Variants in RANBP17 observed in about 807,000 individuals in gnomAD.
RANBP17 encodes ran-binding protein 17.
Under a neutral mutation model 141.2 loss-of-function variants are expected in RANBP17, and 158 were observed. That is an observed-to-expected ratio of 1.12 (90% CI 0.98 to 1.28). The LOEUF (loss-of-function observed/expected upper bound fraction) is 1.28. Among genes scored for constraint, RANBP17 ranks in the 50% most tolerant of loss-of-function variants. The pLI is 0.00. For missense variants in RANBP17, 1,438 were observed against 1,290.7 expected (o/e 1.11, Z -1.75); for synonymous variants, 430 against 450.0 (o/e 0.96, Z 0.56).
At chr5:171,133,916 A>G (rs1316177493) in intron 14 of RANBP17, among the ~76,000 whole-genome samples, 1 of 152,222 alleles carries the variant, frequency 6.6e-6, no homozygotes, top group Non-Finnish European at 1.5e-5. Context: ...GTATCTATAC[A>G]TGTACTGCCT....
chr5:170,939,093 G>A (rs927875392), intron 12 of RANBP17, among the ~76,000 whole-genome samples: 5 of 122,324 alleles, frequency 4.1e-5, no homozygotes, highest in Admixed American at 2.7e-4. Context: ...AGTAAAAATG[G>A]AAGCCAGAAG....
chr5:171,155,787 A>G (rs912927282), intron 14 of RANBP17, among the ~76,000 whole-genome samples: 17 of 152,328 alleles, frequency 1.1e-4, no homozygotes, highest in African/African-American at 3.4e-4. Context: ...ATTGTTCATC[A>G]TGCATAATTA....
chr5:171,023,844 G>A (rs1781049644), intron 14 of RANBP17, among the ~76,000 whole-genome samples: 2 of 152,118 alleles, frequency 1.3e-5, no homozygotes, highest in Admixed American at 1.3e-4. Flanking sequence ...AGTTTGGAAT[G>A]CTCACCTTAT....
rs182117001 is a variant in RANBP17, at chr5:170,936,115, T to G, written c.1468+11565T>G. On this transcript the variant is annotated intron_variant, in intron 12 of 27. Transcript: ENST00000523189. Reference sequence around the variant, plus strand: ...GAGCTAGGTGCAGGTCATAATCTCCTGGTGTGCCGTCTGCTAAGGCCATTG... The same window carrying G: ...GAGCTAGGTGCAGGTCATAATCTCCGGGTGTGCCGTCTGCTAAGGCCATTG... 5.9e-5 allele frequency among the ~76,000 whole-genome samples: 9 copies of G among 152,294 alleles called. No homozygotes were observed. The East Asian group carries it at 1.7e-3, about 29-fold the overall frequency.
At chr5:170,935,836 G>T (rs11951399) in intron 12 of RANBP17, among the ~76,000 whole-genome samples, 9,213 of 152,224 alleles carry the variant, frequency 0.061, 358 homozygotes, top group East Asian at 0.12. Flanking sequence ...AGACAGGGAC[G>T]TTTAAGTCTG....
chr5:170,960,204 T>G (rs1370537743), intron 13 of RANBP17, among the ~76,000 whole-genome samples: 6 of 152,210 alleles, frequency 3.9e-5, no homozygotes, highest in African/African-American at 1.4e-4. Context: ...GGGTTTTCTC[T>G]AATTTGTTGA....
At chr5:171,002,426 A>G (rs1779279803) in intron 14 of RANBP17, among the ~76,000 whole-genome samples, 1 of 152,102 alleles carries the variant, frequency 6.6e-6, no homozygotes, top group Non-Finnish European at 1.5e-5. Flanking sequence ...TGGCCCTTGC[A>G]GTGTATGACT....
intron 14 of RANBP17, among the ~76,000 whole-genome samples, chr5:171,080,672 C>T (rs1785211083): frequency 6.6e-6 from 1 of 152,112 alleles, no homozygotes; most frequent in Admixed American, 6.5e-5. Context: ...AGATGATGGA[C>T]GTTGGTGTTT....
intron 14 of RANBP17, among the ~76,000 whole-genome samples, chr5:171,162,032 C>T (rs1338782737): frequency 6.6e-6 from 1 of 152,196 alleles, no homozygotes; most frequent in Non-Finnish European, 1.5e-5. Flanking sequence ...TATAAATATT[C>T]CTTTAACTGT....
chr5:171,107,820 A>G (rs982116431), intron 14 of RANBP17, among the ~76,000 whole-genome samples: 4 of 152,238 alleles, frequency 2.6e-5, no homozygotes, highest in African/African-American at 9.6e-5. Context: ...TGTGAGAATG[A>G]CAGTTAAATT....
chr5:171,026,063 A>G (rs1781211816), intron 14 of RANBP17, among the ~76,000 whole-genome samples: 1 of 152,244 alleles, frequency 6.6e-6, no homozygotes, highest in African/African-American at 2.4e-5. Context: ...TATTTGTGAA[A>G]TGAAATAATA....
chr5:171,247,621 A>G (rs1765286657), intron 24 of RANBP17, among the ~76,000 whole-genome samples: 1 of 152,062 alleles, frequency 6.6e-6, no homozygotes, highest in Non-Finnish European at 1.5e-5. Flanking sequence ...TATCTTTTTA[A>G]TCATCCATCC....
chr5:171,037,747 C>T (rs1293849869), intron 14 of RANBP17, among the ~76,000 whole-genome samples: 1 of 152,182 alleles, frequency 6.6e-6, no homozygotes. Context: ...AGCTTTACTT[C>T]TGGCTCCTCT....
At chr5:170,999,694 C>T (rs1581357560) in intron 14 of RANBP17, among the ~76,000 whole-genome samples, 1 of 152,080 alleles carries the variant, frequency 6.6e-6, no homozygotes, top group Admixed American at 6.6e-5. Flanking sequence ...AACCTAATAC[C>T]TATTATTCTT....
intron 18 of RANBP17, among the ~76,000 whole-genome samples, chr5:171,189,065 T>G (rs902668557): frequency 7.3e-5 from 11 of 150,532 alleles, no homozygotes; most frequent in African/African-American, 2.7e-4. Context: ...TAGTTCAAAG[T>G]TTTTTTTTAA....
At chr5:170,986,176 A>G (rs747826951) in intron 14 of RANBP17, among the ~76,000 whole-genome samples, 1 of 152,086 alleles carries the variant, frequency 6.6e-6, no homozygotes, top group Non-Finnish European at 1.5e-5. Flanking sequence ...ATCTCCTTGC[A>G]TATAAACCAC....
chr5:171,241,847 A>G (rs544432786), intron 23 of RANBP17, among the ~76,000 whole-genome samples: 2 of 152,170 alleles, frequency 1.3e-5, no homozygotes, highest in Non-Finnish European at 2.9e-5. Context: ...AAAAATATAC[A>G]TTTCAGAGCC....
At chr5:171,002,398 G>A (rs1166646929) in intron 14 of RANBP17, among the ~76,000 whole-genome samples, 3 of 152,084 alleles carry the variant, frequency 2.0e-5, no homozygotes, top group Non-Finnish European at 4.4e-5. Context: ...CTGAGTGATG[G>A]GATCTGATGC....
intron 24 of RANBP17, among the ~76,000 whole-genome samples, chr5:171,258,118 TACACACACACACACACACACAC>T (rs34304503): frequency 1.6e-5 from 2 of 128,296 alleles, no homozygotes; most frequent in South Asian, 2.7e-4. Flanking sequence ...AAAAAAAAAA[TACACACACACACACACACACAC>T]ACACACACAC....
Sources: allele counts gnomAD v4.1 joint callset (sites outside exome capture counted in the v4.1 genomes callset), GRCh38; gene constraint gnomAD v4.1.1; transcripts MANE v1.5; gene names NCBI Gene and HGNC (gene_info 2026-07-23, HGNC 2026-07-21).